PRKG1: variants seen among roughly 807,000 people sequenced by gnomAD.
The protein encoded by PRKG1 is protein kinase cGMP-dependent 1.
In PRKG1, 35 loss-of-function variants were observed where a neutral mutation model predicts 88.1. The observed-to-expected ratio is 0.40, with a 90% CI of 0.30 to 0.53. The LOEUF (loss-of-function observed/expected upper bound fraction) is 0.53, where lower values mean the gene tolerates loss of function less well. Among genes scored for constraint, PRKG1 ranks in the 20% least tolerant of loss-of-function variants. The pLI is 0.59. For synonymous variants in PRKG1, 303 were observed against 292.5 expected (o/e 1.04, Z -0.37); for missense variants, 540 against 839.8 (o/e 0.64, Z 4.41).
chr10:51,926,773 A>G (rs1434252756), intron 5 of PRKG1, among the ~76,000 whole-genome samples: 4 of 148,886 alleles, frequency 2.7e-5, no homozygotes, highest in African/African-American at 7.5e-5. Context: ...TTTTAACTGA[A>G]TAACATCTCC....
At chr10:51,072,697 C>T (rs1843849510), upstream of PRKG1, among the ~76,000 whole-genome samples, 1 of 152,048 alleles carries the variant, frequency 6.6e-6, no homozygotes, top group South Asian at 2.1e-4. Flanking sequence ...GTGTAATCTG[C>T]ATTAAGAGAA....
intron 3 of PRKG1, among the ~76,000 whole-genome samples, chr10:51,753,422 T>G (rs1837777725): frequency 6.6e-6 from 1 of 152,178 alleles, no homozygotes; most frequent in Non-Finnish European, 1.5e-5. Context: ...AAATCAAGTA[T>G]AGCAGCACTG....
At chr10:51,308,951 T>C (rs1589342330) in intron 2 of PRKG1, among the ~76,000 whole-genome samples, 2 of 151,470 alleles carry the variant, frequency 1.3e-5, no homozygotes, top group South Asian at 4.2e-4. Flanking sequence ...GTTCTGGGAG[T>C]GTAGAGAAAG....
At chr10:51,358,937 G>T (rs1488664145) in intron 2 of PRKG1, among the ~76,000 whole-genome samples, 1 of 145,078 alleles carries the variant, frequency 6.9e-6, no homozygotes, top group East Asian at 2.0e-4. Context: ...TATTTATTGG[G>T]GGGGGGGGTG....
At chr10:51,713,440 T>C (rs1018579924) in intron 3 of PRKG1, among the ~76,000 whole-genome samples, 3 of 152,232 alleles carry the variant, frequency 2.0e-5, no homozygotes, top group African/African-American at 7.2e-5. Context: ...GTTGAATTCT[T>C]TTCTAATTTT....
At chr10:51,885,714 A>T (rs1841550434) in intron 4 of PRKG1, among the ~76,000 whole-genome samples, 1 of 152,118 alleles carries the variant, frequency 6.6e-6, no homozygotes, top group Admixed American at 6.5e-5. Flanking sequence ...ATATCCTATT[A>T]CTTTATGCCC....
At chr10:52,149,101 G>T (rs894695560) in intron 8 of PRKG1, among the ~76,000 whole-genome samples, 1 of 151,032 alleles carries the variant, frequency 6.6e-6, no homozygotes, top group Admixed American at 6.6e-5. Context: ...AAAGATGAAA[G>T]CCTCTGTGAT....
At chr10:52,065,682 T>G (rs1846339751) in intron 7 of PRKG1, among the ~76,000 whole-genome samples, 1 of 152,190 alleles carries the variant, frequency 6.6e-6, no homozygotes, top group African/African-American at 2.4e-5. Context: ...CCATTAGATT[T>G]TTTTCAATGT....
chr10:51,188,091 A>T (rs1321422983), intron 2 of PRKG1, among the ~76,000 whole-genome samples: 2 of 152,010 alleles, frequency 1.3e-5, no homozygotes, highest in South Asian at 4.1e-4. Flanking sequence ...ATTTAGTCTG[A>T]GGCTCTAAAC....
chr10:52,075,633 C>T (rs998752512), intron 7 of PRKG1, among the ~76,000 whole-genome samples: 1 of 152,090 alleles, frequency 6.6e-6, no homozygotes, highest in Non-Finnish European at 1.5e-5. Flanking sequence ...TTAGCTTTGC[C>T]GTTACAAAAA....
intron 9 of PRKG1, among the ~76,000 whole-genome samples, chr10:52,166,790 TATATATAC>T (rs1435547169): frequency 1.4e-4 from 1 of 7,170 alleles, no homozygotes; most frequent in South Asian, 0.17. Flanking sequence ...AAAAAGCCTA[TATATATAC>T]ATATATATAT....
chr10:51,929,443 C>A (rs1478817428), intron 5 of PRKG1, among the ~76,000 whole-genome samples: 1 of 151,206 alleles, frequency 6.6e-6, no homozygotes, highest in Non-Finnish European at 1.5e-5. Flanking sequence ...CTCCACCTCC[C>A]GGATTCAAGC....
Position 51,386,341 on chromosome 10 carries a change from G to A in PRKG1, c.479-81382G>A, listed in dbSNP as rs774842866. ...GGAATTGGCTCACACAATTATGGAA[G>A]CTGAAAATTCCTAAGATCTGCAGTT... On this transcript the variant is annotated intron_variant, in intron 2 of 17. Coordinates refer to ENST00000373980, the MANE Select transcript of PRKG1 (RefSeq NM_006258.4). Among the ~76,000 whole-genome samples, 26 of 152,120 alleles carry A rather than the reference G, an allele frequency of 1.7e-4. 1 individual carries two copies. The highest frequency in any genetic ancestry group is 8.5e-4 in the Admixed American group (13 of 15,262).
intron 2 of PRKG1, among the ~76,000 whole-genome samples, chr10:51,304,306 A>C (rs892134251): frequency 2.6e-5 from 4 of 152,148 alleles, no homozygotes; most frequent in African/African-American, 9.7e-5. Flanking sequence ...ACGTAATATT[A>C]AAAAATCAAT....
intron 2 of PRKG1, among the ~76,000 whole-genome samples, chr10:51,190,289 A>G (rs1490524720): frequency 6.6e-6 from 1 of 151,974 alleles, no homozygotes; most frequent in Non-Finnish European, 1.5e-5. Flanking sequence ...AAGCTGGCCT[A>G]CAGATGATGG....
chr10:51,378,594 G>A (rs1842860220), intron 2 of PRKG1, among the ~76,000 whole-genome samples: 2 of 152,110 alleles, frequency 1.3e-5, no homozygotes, highest in South Asian at 4.1e-4. Context: ...ACATAATAGG[G>A]GGCCTAATGA....
chr10:51,750,872 C>T (rs1294948132), intron 3 of PRKG1, among the ~76,000 whole-genome samples: 1 of 148,722 alleles, frequency 6.7e-6, no homozygotes. Flanking sequence ...TTTTCAATTG[C>T]TGCTTTTATT....
At chr10:52,257,696 CTG>C (rs1274538645) in intron 10 of PRKG1, among the ~76,000 whole-genome samples, 2 of 139,844 alleles carry the variant, frequency 1.4e-5, no homozygotes, top group East Asian at 4.1e-4. Context: ...TAGTAGTACT[CTG>C]TGGTTTATTA....
chr10:51,665,420 C>T (rs1840399191), intron 3 of PRKG1, among the ~76,000 whole-genome samples: 1 of 152,010 alleles, frequency 6.6e-6, no homozygotes, highest in African/African-American at 2.4e-5. Context: ...TTATATATGG[C>T]CATATTATTT....
Sources: gnomAD v4.1 joint callset for allele counts (sites outside exome capture counted in the v4.1 genomes callset) on GRCh38, gnomAD v4.1.1 for gene constraint, MANE v1.5 for transcripts, NCBI Gene and HGNC (gene_info 2026-07-23, HGNC 2026-07-21) for gene names.